PIGG: variants seen among roughly 807,000 people sequenced by gnomAD.
PIGG encodes the protein phosphatidylinositol glycan anchor biosynthesis class G (EMM blood group).
In PIGG, 70 loss-of-function variants were observed where a neutral mutation model predicts 83.2. The ratio of observed to expected loss-of-function variants is 0.84; its 90% CI spans 0.69 to 1.03. PIGG has a LOEUF of 1.03. PIGG is among the 50% of genes least tolerant of loss of function. The pLI is 0.00. For synonymous variants in PIGG, 532 were observed against 519.5 expected, an observed-to-expected ratio of 1.02 and a Z score of -0.33; for missense variants, 1,257 against 1,233.6, an observed-to-expected ratio of 1.02 and a Z score of -0.28.
At chr4:520,920 A>C (rs1725651412) in intron 6 of PIGG, 136 bp from the exon 7 acceptor site, 2 of 658,030 alleles carry the variant, frequency 3.0e-6, no homozygotes, top group South Asian at 3.8e-5. Flanking sequence ...GGAATGATTG[A>C]TCTTCATTAA....
In PIGG at chr4:539,382, A is replaced by C. The variant is rs1731535485; in HGVS notation, c.*13A>C. 2 of 1,485,494 alleles carry C rather than the reference A, an allele frequency of 1.3e-6. No homozygotes were observed. Among genetic ancestry groups the C allele is most frequent in the Non-Finnish European group, 9.4e-7 (1 of 1,068,712 alleles). 92.0% of individuals were successfully genotyped at this position (1,485,494 alleles called of 1,614,324 possible). A position where few individuals can be genotyped will look rare whatever the true frequency, so the allele number is the denominator to read the frequency against. ...CACACAGTCTTAGACTAAGCTGAAC[A>C]CTGGAAAAATAATACATGCTTAAAG... is the stretch of plus-strand genomic sequence containing the variant. On this transcript the variant is annotated 3_prime_UTR_variant, in exon 13 of 13. Coordinates refer to ENST00000453061, the MANE Select transcript of PIGG (RefSeq NM_001127178.3).
chr4:508,828 G>GGA lies in PIGG; in HGVS notation c.768_769dup (p.Thr257ArgfsTer30), dbSNP rs1229339759. On this transcript the variant is annotated frameshift_variant and splice_region_variant. Coordinates refer to ENST00000453061, the MANE Select transcript of PIGG (RefSeq NM_001127178.3). LOFTEE classifies it high-confidence loss of function. Reference sequence around the variant, plus strand: ...TGAAATGTTTTTCCTTTGCCTTAAAGGAGAGAGAGACGCCTTTACCCAATT... The same window carrying GGA: ...TGAAATGTTTTTCCTTTGCCTTAAAGGAGAGAGAGAGACGCCTTTACCCAATT... The GGA allele has an allele frequency of 8.7e-6, 14 of 1,613,828 alleles. No homozygotes were observed. Among genetic ancestry groups the GGA allele is most frequent in the East Asian group, 2.2e-5 (1 of 44,894 alleles).
At chr4:506,365 CT>C (rs1719696085) in intron 3 of PIGG, among the ~76,000 whole-genome samples, 1 of 152,178 alleles carries the variant, frequency 6.6e-6, no homozygotes, top group Admixed American at 6.5e-5. Flanking sequence ...AGGTGGCCGA[CT>C]GGGTGGGGCC....
intron 5 of PIGG, among the ~76,000 whole-genome samples, chr4:512,776 C>T (rs573671287): frequency 2.6e-4 from 40 of 152,172 alleles, no homozygotes; most frequent in African/African-American, 7.7e-4. Context: ...GATCGCACCA[C>T]TGCACTCCAG....
chr4:523,378 C>A, intron 8 of PIGG, 81 bp from the exon 9 acceptor site: 1 of 1,022,688 alleles, frequency 9.8e-7, no homozygotes, highest in Non-Finnish European at 1.5e-6. Context: ...GCATTCTCTG[C>A]TGTGAGCAAG....
rs780865123 is a variant in PIGG at position 523,441 on chromosome 4, G to A, written c.1615-18G>A. On this transcript the variant is annotated intron_variant, in intron 8 of 12. Transcript: ENST00000453061. The stretch of plus-strand genomic sequence containing the variant: ...GTTATCAGACCGTCTCTTACAAAGT[G>A]CACTTTCCTTTTCACAGAACCCCAT... The A allele has an allele frequency of 6.4e-7, 1 of 1,563,324 alleles. No individual in the cohort carries two copies. Among genetic ancestry groups the A allele is most frequent in the South Asian group, 1.2e-5 (1 of 86,716 alleles).
At chr4:538,184 A>C (rs1033371426) in intron 12 of PIGG, among the ~76,000 whole-genome samples, 1 of 150,100 alleles carries the variant, frequency 6.7e-6, no homozygotes, top group Non-Finnish European at 1.5e-5. Flanking sequence ...GGCCCTTTCT[A>C]ACAGAACTTG....
At chr4:536,335 A>T (rs1481432822) in intron 12 of PIGG, 1 of 152,246 alleles carries the variant, frequency 6.6e-6, no homozygotes, top group Non-Finnish European at 1.5e-5. Flanking sequence ...AATGCCTGAG[A>T]TCCACCTGCC....
chr4:539,660 T>C lies in PIGG; in HGVS notation c.*291T>C, dbSNP rs1023309398. ...CAATGAATGAAAAGGTTCTGGACTT[T>C]GTTAGAGTCCAGGAGCTCTGTGGGA... On this transcript the variant is annotated 3_prime_UTR_variant, in exon 13 of 13. Coordinates refer to ENST00000453061, the MANE Select transcript of PIGG (RefSeq NM_001127178.3). 6.9e-5 allele frequency: 20 copies of C among 291,530 alleles called. No homozygotes were observed. The highest frequency in any genetic ancestry group is 1.1e-4 in the Non-Finnish European group (17 of 155,014). The allele number at this position is 291,530 out of a possible 1,614,324, so 18.1% of individuals were successfully genotyped here.
intron 6 of PIGG, among the ~76,000 whole-genome samples, chr4:518,352 G>C (rs1724602684): frequency 6.6e-6 from 1 of 152,182 alleles, no homozygotes; most frequent in South Asian, 2.1e-4. Flanking sequence ...CCAGCACTTT[G>C]GGAGGCTGAG....
In PIGG at chr4:533,939, G is replaced by C; in HGVS notation, c.2693G>C (p.Trp898Ser). ...AFGTYAGPVL[W>S]ASHLVHFLSS... Reference sequence around the variant, plus strand: ...GGGACGTACGCAGGGCCTGTGCTGTGGGCCAGCCACTTAGTGCACTTCCTG... The same window carrying C: ...GGGACGTACGCAGGGCCTGTGCTGTCGGCCAGCCACTTAGTGCACTTCCTG... The change falls in exon 12 of 13, where the codon TGG (tryptophan) becomes TCG (serine). Residue 898 changes from tryptophan to serine, a missense_variant. Transcript: ENST00000453061. 6.2e-7 allele frequency: 1 copy of C among 1,614,194 alleles called. No individual in the cohort carries two copies. The highest frequency in any genetic ancestry group is 8.5e-7 in the Non-Finnish European group (1 of 1,180,012).
chr4:527,543 A>G, intron 10 of PIGG: 7 of 1,083,952 alleles, frequency 6.5e-6, no homozygotes, highest in Non-Finnish European at 7.8e-6. Context: ...GGACAGACAG[A>G]TGAGCGTGAA....
At position 521,180 on chromosome 4, in the gene PIGG, G is replaced by C. The variant is rs896603363; in HGVS notation, c.1239G>C (p.Leu413=). ...NLGSKVLRQY[L]DALKTLSLSL... ...GCTCCAAGGTTCTCAGGCAGTACCT[G>C]GATGCTCTGAAGACGCTGAGCTTGT... The change falls in exon 7 of 13, where the codon CTG becomes CTC. Residue 413 remains leucine (L), a synonymous_variant. Coordinates refer to ENST00000453061, the MANE Select transcript of PIGG (RefSeq NM_001127178.3). 5.6e-6 allele frequency: 9 copies of C among 1,613,948 alleles called. No homozygotes were observed. The African/African-American group carries it at 9.3e-5, about 17-fold the overall frequency.
intron 12 of PIGG, among the ~76,000 whole-genome samples, chr4:537,870 A>G (rs1372315342): frequency 6.6e-6 from 1 of 152,164 alleles, no homozygotes; most frequent in Non-Finnish European, 1.5e-5. Context: ...GTGGCTGTTG[A>G]CACCCTTTCC....
intron 6 of PIGG, among the ~76,000 whole-genome samples, chr4:518,209 G>A (rs148341121): frequency 1.4e-4 from 21 of 152,302 alleles, no homozygotes; most frequent in African/African-American, 4.1e-4. Flanking sequence ...TGTGCTTTTC[G>A]TTTTTTAAAA....
intron 8 of PIGG, chr4:522,198 A>T: frequency 1.7e-6 from 1 of 601,582 alleles, no homozygotes; most frequent in Admixed American, 2.9e-5. Flanking sequence ...GGTTCCTGCG[A>T]CTGTTACCAA....
chr4:526,943 G>C (rs931079185), intron 9 of PIGG, 96 bp from the exon 10 acceptor site: 2 of 1,320,398 alleles, frequency 1.5e-6, no homozygotes, highest in African/African-American at 3.0e-5. Flanking sequence ...GGGAAAATCA[G>C]CTATTTTTTA....
Position 515,836 on chromosome 4 carries a change from C to G in PIGG, c.902-137C>G, listed in dbSNP as rs1723644707. The G allele has an allele frequency of 1.4e-6, 1 of 693,970 alleles. No homozygotes were observed. Among genetic ancestry groups the G allele is most frequent in the Non-Finnish European group, 2.5e-6 (1 of 393,394 alleles). 43.0% of individuals were successfully genotyped at this position (693,970 alleles called of 1,614,324 possible). On this transcript the variant is annotated intron_variant, in intron 5 of 12. Coordinates refer to ENST00000453061, the MANE Select transcript of PIGG (RefSeq NM_001127178.3). This position sits in a 1 kb window ranked among gnomAD's most constrained non-coding sequence, Gnocchi z 4.2. ...AACACAGCAAGCACAGGAGGTGATT[C>G]CTGTACGATTCTGTGTTGAGTGGTG...
chr4:525,288 C>G (rs1430119829), intron 9 of PIGG: 1 of 984,810 alleles, frequency 1.0e-6, no homozygotes, highest in Non-Finnish European at 1.2e-6. Context: ...TAGAAGAAAC[C>G]AGGACAGAAA....
Sources: gnomAD v4.1 joint callset for allele counts (sites outside exome capture counted in the v4.1 genomes callset) on GRCh38, gnomAD v4.1.1 for gene constraint, Gnocchi (gnomAD v3.1) non-coding constraint, MANE v1.5 for transcripts, NCBI Gene and HGNC (gene_info 2026-07-23, HGNC 2026-07-21) for gene names.